The following STAG1 variants were observed in gnomAD, a reference collection of about 807,000 sequenced individuals.
STAG1 encodes the protein cohesin subunit SA-1.
A neutral mutation model predicts 170.9 loss-of-function variants in STAG1; 26 were observed. The ratio of observed to expected loss-of-function variants is 0.15; its 90% CI spans 0.11 to 0.21. STAG1 has a LOEUF of 0.21. STAG1 is among the 10% of genes least tolerant of loss of function. The pLI, the probability that STAG1 is intolerant of heterozygous loss-of-function variation, is 1.00. For synonymous variants in STAG1, 514 were observed against 497.7 expected (o/e 1.03, Z -0.44); for missense variants, 964 against 1,509.5 (o/e 0.64, Z 5.99).
intron 21 of STAG1, among the ~76,000 whole-genome samples, chr3:136,400,212 G>A (rs1187883699): frequency 2.6e-5 from 4 of 151,662 alleles, no homozygotes; most frequent in African/African-American, 7.3e-5. Context: ...TCTGAGCCAC[G>A]GTAACCAATT....
chr3:136,433,524 CT>C, intron 16 of STAG1, 31 bp downstream of exon 16: 1 of 1,524,868 alleles, frequency 6.6e-7, no homozygotes, highest in Non-Finnish European at 9.0e-7. Flanking sequence ...CATTAAAAAC[CT>C]TTTAGGAGAT....
At chr3:136,515,687 A>G (rs1056981905) in intron 7 of STAG1, among the ~76,000 whole-genome samples, 5 of 152,218 alleles carry the variant, frequency 3.3e-5, no homozygotes, top group Non-Finnish European at 7.3e-5. Context: ...CCGATGATAG[A>G]ACGTAAAAGA....
At chr3:136,735,400 A>C in intron 1 of STAG1, among the ~76,000 whole-genome samples, 1 of 151,544 alleles carries the variant, frequency 6.6e-6, no homozygotes, top group Non-Finnish European at 1.5e-5. Context: ...TGGTGGGATT[A>C]CAGGCATGAG....
chr3:136,346,161 C>T (rs553281447), intron 29 of STAG1, among the ~76,000 whole-genome samples: 1 of 152,312 alleles, frequency 6.6e-6, no homozygotes, highest in South Asian at 2.1e-4. Flanking sequence ...TTTGGCACAT[C>T]AGAGCATTGA....
chr3:136,364,274 G>C (rs1473967595), intron 25 of STAG1, among the ~76,000 whole-genome samples: 1 of 150,544 alleles, frequency 6.6e-6, no homozygotes, highest in Non-Finnish European at 1.5e-5. Context: ...GTAGAGACAG[G>C]GTTTCACCAT....
At chr3:136,449,559 C>CA (rs756074218) in intron 14 of STAG1, among the ~76,000 whole-genome samples, 1,377 of 91,426 alleles carry the variant, frequency 0.015, 7 homozygotes, top group Non-Finnish European at 0.022. Flanking sequence ...GACTCTGTCT[C>CA]AAAAAAAAAA....
chr3:136,516,571 G>A (rs1349204611), intron 7 of STAG1, among the ~76,000 whole-genome samples: 1 of 151,938 alleles, frequency 6.6e-6, no homozygotes, highest in Non-Finnish European at 1.5e-5. Context: ...CTTAACAGCG[G>A]TTCTTGAAAG....
intron 29 of STAG1, among the ~76,000 whole-genome samples, chr3:136,346,458 T>C (rs1160953141): frequency 2.6e-5 from 4 of 152,258 alleles, no homozygotes; most frequent in African/African-American, 9.6e-5. Flanking sequence ...CTTAGTCATT[T>C]TGTAAATCTC....
intron 1 of STAG1, among the ~76,000 whole-genome samples, chr3:136,741,230 A>C (rs1234391223): frequency 6.6e-6 from 1 of 152,226 alleles, no homozygotes; most frequent in Non-Finnish European, 1.5e-5. Flanking sequence ...TGACCTATGC[A>C]AACTGGAGCT....
chr3:136,528,829 C>G (rs1023625216), intron 6 of STAG1, among the ~76,000 whole-genome samples: 2 of 151,724 alleles, frequency 1.3e-5, no homozygotes, highest in Admixed American at 1.3e-4. Flanking sequence ...ATTTGGGAGG[C>G]TGAAGTGGGA....
chr3:136,463,772 C>CGTGTGTGT (rs1559817414), intron 13 of STAG1, among the ~76,000 whole-genome samples: 1 of 108,194 alleles, frequency 9.2e-6, no homozygotes, highest in East Asian at 3.0e-4. Context: ...TGTGTGTATA[C>CGTGTGTGT]ACACACACAC....
chr3:136,354,636 GGTAA>G (rs746888980), intron 28 of STAG1, among the ~76,000 whole-genome samples: 1 of 151,058 alleles, frequency 6.6e-6, no homozygotes, highest in Non-Finnish European at 1.5e-5. Flanking sequence ...TGTAAGGCCT[GGTAA>G]GGCCACTAGG....
intron 1 of STAG1, among the ~76,000 whole-genome samples, chr3:136,655,769 A>T (rs991337124): frequency 2.6e-5 from 4 of 152,202 alleles, no homozygotes; most frequent in Non-Finnish European, 5.9e-5. Context: ...ATTAAAAAAA[A>T]AAAAAATCCA....
At position 136,689,933 on chromosome 3, in the gene STAG1, TCAGGAGGCAGA is replaced by T. The variant is rs536053121; in HGVS notation, c.-83-58963_-83-58953del. Among the ~76,000 whole-genome samples, 145 of 150,880 alleles carry T rather than the reference TCAGGAGGCAGA, an allele frequency of 9.6e-4. 2 individuals carry two copies. The East Asian group carries it at 0.027, about 29-fold the overall frequency. The stretch of plus-strand genomic sequence containing the variant: ...GGCGCATGCCTATAATCCCAGCTAC[TCAGGAGGCAGA>T]CAGGAGAATCAGTTGAACCTGGGAG... On this transcript the variant is annotated intron_variant, in intron 1 of 33. Coordinates refer to ENST00000383202, the MANE Select transcript of STAG1 (RefSeq NM_005862.3).
chr3:136,347,698 A>C (rs1234876651), intron 29 of STAG1, among the ~76,000 whole-genome samples: 1 of 152,244 alleles, frequency 6.6e-6, no homozygotes, highest in African/African-American at 2.4e-5. Context: ...GACTGATGCT[A>C]GATAGATATG....
At chr3:136,620,099 T>C (rs1424780719) in intron 3 of STAG1, among the ~76,000 whole-genome samples, 14 of 151,762 alleles carry the variant, frequency 9.2e-5, no homozygotes, top group African/African-American at 1.5e-4. Context: ...AAATAAAACA[T>C]AAAATAGAAG....
intron 3 of STAG1, among the ~76,000 whole-genome samples, chr3:136,621,702 G>A (rs949551246): frequency 1.3e-5 from 2 of 151,950 alleles, no homozygotes; most frequent in Non-Finnish European, 2.9e-5. Context: ...TTTAAGGTTG[G>A]CCTGGAGGAG....
At chr3:136,393,018 G>C (rs538280406) in intron 22 of STAG1, among the ~76,000 whole-genome samples, 1 of 152,130 alleles carries the variant, frequency 6.6e-6, no homozygotes, top group East Asian at 1.9e-4. Flanking sequence ...TTCTATAACT[G>C]TATAAATGAC....
chr3:136,670,406 G>A lies in STAG1; in HGVS notation c.-83-39425C>T, dbSNP rs1262368406. On this transcript the variant is annotated intron_variant, in intron 1 of 33. Transcript: ENST00000383202. ...AGACCCTAATTTAATTTACCACAAA[G>A]AAAGTACAATCATTTTATAAGAAAA... is the stretch of plus-strand genomic sequence containing the variant. 4.1e-4 allele frequency among the ~76,000 whole-genome samples: 63 copies of A among 152,134 alleles called. 1 individual carries two copies. Among genetic ancestry groups the A allele is most frequent in the Admixed American group, 4.1e-3 (62 of 15,264 alleles).
Sources: allele counts gnomAD v4.1 joint callset (sites outside exome capture counted in the v4.1 genomes callset), GRCh38; gene constraint gnomAD v4.1.1; transcripts MANE v1.5; gene names NCBI Gene and HGNC (gene_info 2026-07-23, HGNC 2026-07-21).